RAPGEF6: variants seen among roughly 807,000 people sequenced by gnomAD.
The protein encoded by RAPGEF6 is PDZ domain containing guanine nucleotide exchange factor (GEF) 2.
In RAPGEF6, 56 loss-of-function variants were observed where a neutral mutation model predicts 171.4. The observed-to-expected ratio is 0.33, with a 90% confidence interval of 0.26 to 0.41. The LOEUF is 0.41. Among genes scored for constraint, RAPGEF6 ranks in the 10% least tolerant of loss-of-function variants. The probability of loss-of-function intolerance (pLI) is 1.00; values close to 1 mark genes in which losing one functional copy is unlikely to be tolerated. For missense variants in RAPGEF6, 1,674 were observed against 1,921.4 expected (o/e 0.87, Z 2.41); for synonymous variants, 692 against 650.1 (o/e 1.06, Z -0.98).
intron 16 of RAPGEF6, among the ~76,000 whole-genome samples, chr5:131,475,435 G>T (rs183249012): frequency 6.6e-6 from 1 of 151,934 alleles, no homozygotes; most frequent in African/African-American, 2.4e-5. Context: ...CATAAATATC[G>T]CCAATATGTA....
chr5:131,446,254 T>TA (rs1374410816), intron 22 of RAPGEF6, among the ~76,000 whole-genome samples: 1 of 152,000 alleles, frequency 6.6e-6, no homozygotes, highest in African/African-American at 2.4e-5. Flanking sequence ...TTAAAAGAAT[T>TA]AAAAAGCTTT....
At chr5:131,591,616 T>C (rs966451590) in intron 4 of RAPGEF6, among the ~76,000 whole-genome samples, 8 of 152,192 alleles carry the variant, frequency 5.3e-5, no homozygotes, top group Admixed American at 2.6e-4. Flanking sequence ...GTTGAGAACA[T>C]TTGTAGTAGT....
chr5:131,600,494 C>G (rs1042198843), intron 3 of RAPGEF6, among the ~76,000 whole-genome samples: 2 of 146,340 alleles, frequency 1.4e-5, no homozygotes, highest in African/African-American at 5.0e-5. Flanking sequence ...TGCACTCCAA[C>G]CTGGGTGACA....
Position 131,431,004 on chromosome 5 carries a change from AG to A in RAPGEF6, c.4319del (p.Ser1440LeufsTer48), listed in dbSNP as rs1561457812. ...RKSWTSSSSLSDTYEPNYGTV... is the reference protein window; with the variant it reads ...RKSWTSSSSLXDTYEPNYGTV... ...TCCCATAGTTTGGTTCATACGTGTC[AG>A]ACAGAGAACTGGAGGAGGTCCAACT... On this transcript the variant is annotated frameshift_variant, in exon 26 of 28. Coordinates refer to ENST00000509018, the MANE Select transcript of RAPGEF6 (RefSeq NM_016340.6). LOFTEE classifies it high-confidence loss of function. 1 of 1,614,216 alleles carries A rather than the reference AG, an allele frequency of 6.2e-7. No homozygotes were observed. The highest frequency in any genetic ancestry group is 1.7e-5 in the Admixed American group (1 of 60,020).
At chr5:131,523,275 T>C (rs1758624281) in intron 6 of RAPGEF6, among the ~76,000 whole-genome samples, 1 of 147,126 alleles carries the variant, frequency 6.8e-6, no homozygotes, top group South Asian at 2.1e-4. Flanking sequence ...GTTTCTGTTG[T>C]ATGCTTTTTT....
At chr5:131,451,058 T>C (rs1753033218) in intron 21 of RAPGEF6, among the ~76,000 whole-genome samples, 1 of 152,232 alleles carries the variant, frequency 6.6e-6, no homozygotes, top group South Asian at 2.1e-4. Flanking sequence ...AGGGTCATTG[T>C]ACAAGGACAT....
At chr5:131,532,215 A>T (rs1270874450) in intron 6 of RAPGEF6, 4 of 404,604 alleles carry the variant, frequency 9.9e-6, no homozygotes, top group African/African-American at 4.2e-5. Context: ...GAGTACGGTG[A>T]TAAAATTCTG....
intron 5 of RAPGEF6, among the ~76,000 whole-genome samples, chr5:131,560,458 A>G (rs1761528164): frequency 6.6e-6 from 1 of 152,266 alleles, no homozygotes; most frequent in East Asian, 1.9e-4. Context: ...AACAGAATGT[A>G]TAACACTGAA....
intron 2 of RAPGEF6, among the ~76,000 whole-genome samples, chr5:131,603,993 T>C (rs1764401759): frequency 6.6e-6 from 1 of 152,088 alleles, no homozygotes; most frequent in Non-Finnish European, 1.5e-5. Flanking sequence ...TCGAAAGTGT[T>C]TTTATAAATA....
intron 5 of RAPGEF6, among the ~76,000 whole-genome samples, chr5:131,550,863 T>C (rs1001727807): frequency 6.6e-6 from 1 of 152,214 alleles, no homozygotes; most frequent in Non-Finnish European, 1.5e-5. Context: ...ACTTACATCT[T>C]ATGACCTAGT....
intron 1 of RAPGEF6, among the ~76,000 whole-genome samples, chr5:131,618,553 G>A (rs145681273): frequency 3.3e-5 from 5 of 152,204 alleles, no homozygotes; most frequent in East Asian, 1.9e-4. Flanking sequence ...CACAAGAATC[G>A]CTTGAACCTG....
rs751868461 is a variant in RAPGEF6 at position 131,521,360 on chromosome 5, T to C, written c.627+30A>G. 5 of 1,560,448 alleles carry C rather than the reference T, an allele frequency of 3.2e-6. No homozygotes were observed. In the South Asian group the frequency reaches 4.9e-5, roughly 15 times the overall value. ...ATATCTGGCAAATAAAAAAACCATATACGCAGCATACAAATTCCTAAGGTA... is the reference window on the plus strand; with the variant it reads ...ATATCTGGCAAATAAAAAAACCATACACGCAGCATACAAATTCCTAAGGTA... On this transcript the variant is annotated intron_variant, in intron 7 of 27. Coordinates refer to ENST00000509018, the MANE Select transcript of RAPGEF6 (RefSeq NM_016340.6).
At chr5:131,602,958 A>G (rs929407549) in intron 3 of RAPGEF6, among the ~76,000 whole-genome samples, 1 of 152,242 alleles carries the variant, frequency 6.6e-6, no homozygotes, top group African/African-American at 2.4e-5. Context: ...TACCAAGTTC[A>G]ATAAGTGGCA....
intron 25 of RAPGEF6, among the ~76,000 whole-genome samples, chr5:131,432,031 G>C (rs1461432150): frequency 2.0e-5 from 3 of 152,024 alleles, no homozygotes; most frequent in African/African-American, 7.2e-5. Context: ...TTTATAGCAG[G>C]GGTCCCCAAA....
chr5:131,471,384 T>C (rs148927357), intron 17 of RAPGEF6, among the ~76,000 whole-genome samples: 1 of 152,290 alleles, frequency 6.6e-6, no homozygotes, highest in African/African-American at 2.4e-5. Flanking sequence ...TGTCCTGAGG[T>C]TTTTATTTAA....
intron 1 of RAPGEF6, among the ~76,000 whole-genome samples, chr5:131,613,851 A>G (rs1057082624): frequency 6.6e-6 from 1 of 152,156 alleles, no homozygotes; most frequent in African/African-American, 2.4e-5. Context: ...AAATTATTCA[A>G]GTGTTACCAA....
intron 1 of RAPGEF6, among the ~76,000 whole-genome samples, chr5:131,632,968 A>G (rs1008815887): frequency 2.0e-5 from 3 of 152,228 alleles, no homozygotes; most frequent in Non-Finnish European, 4.4e-5. Flanking sequence ...TAAGCACAAT[A>G]AAGTACTTAA....
intron 24 of RAPGEF6, among the ~76,000 whole-genome samples, chr5:131,436,610 G>C (rs545329088): frequency 7.5e-6 from 1 of 133,576 alleles, no homozygotes; most frequent in South Asian, 2.3e-4. Context: ...GCACAAGCTG[G>C]TGATAAAAAT....
intron 19 of RAPGEF6, 81 bp from the exon 20 acceptor site, chr5:131,456,093 C>A: frequency 5.3e-6 from 5 of 938,482 alleles, no homozygotes; most frequent in South Asian, 1.7e-5. Context: ...ACCATTTTCT[C>A]TAATAAAAGT....
Sources: gnomAD v4.1 joint callset for allele counts (sites outside exome capture counted in the v4.1 genomes callset) on GRCh38, gnomAD v4.1.1 for gene constraint, MANE v1.5 for transcripts, NCBI Gene and HGNC (gene_info 2026-07-23, HGNC 2026-07-21) for gene names.